ZNF385C: variants seen among roughly 807,000 people sequenced by gnomAD.
ZNF385C encodes the protein zinc finger protein 385C, also known as CTD-2132N18.2.
A neutral mutation model predicts 35.4 loss-of-function variants in ZNF385C; 28 were observed. That is an observed-to-expected ratio of 0.79 (90% confidence interval 0.59 to 1.08). ZNF385C has a LOEUF of 1.08. Among genes scored for constraint, ZNF385C ranks in the 50% least tolerant of loss-of-function variants. ZNF385C has a pLI of 0.00. For synonymous variants in ZNF385C, 248 were observed against 248.2 expected (o/e 1.00, Z 0.01); for missense variants, 605 against 595.6 (o/e 1.02, Z -0.16).
chr17:42,027,840 A>G, intron 7 of ZNF385C, 112 bp from the exon 8 acceptor site: 2 of 1,290,980 alleles, frequency 1.5e-6, no homozygotes, highest in South Asian at 1.2e-5. Flanking sequence ...TCCAAAGCAC[A>G]CAGACTGGGT....
Position 42,026,991 on chromosome 17 carries a change from A to C in ZNF385C, c.1418T>G (p.Leu473Arg), listed in dbSNP as rs781799299. The change falls in exon 9 of 9, where the codon CTC becomes CGC. Residue 473 changes from leucine (L) to arginine (R), a missense_variant. Transcript: ENST00000692273. Reference protein sequence around the residue: ...LRPAPTAATTLFPAPILGPAL... With the variant: ...LRPAPTAATTRFPAPILGPAL... ...TGGGCCCAGGATGGGAGCCGGGAAG[A>C]GGGTAGTGGCTGCTGTAGGGGCAGG... 4 of 1,610,814 alleles carry C rather than the reference A, an allele frequency of 2.5e-6. No homozygotes were observed. In the Admixed American group the frequency reaches 6.7e-5, roughly 27 times the overall value.
In ZNF385C at chr17:42,057,501, CGCGCGCGCGCGCGTGTGTGTGT is replaced by C. The variant is rs1206315872; in HGVS notation, c.250+5284_250+5305del. ...ACTTAAAGTTATTTAGGGGTGTGCG[CGCGCGCGCGCGCGTGTGTGTGT>C]GTGTGTGTGTGTGTGTGATGGTCCA... On this transcript the variant is annotated intron_variant, in intron 2 of 8. Transcript: ENST00000692273. Among the ~76,000 whole-genome samples, 336 of 143,786 alleles carry C rather than the reference CGCGCGCGCGCGCGTGTGTGTGT, an allele frequency of 2.3e-3. 4 individuals carry two copies. The highest frequency in any genetic ancestry group is 8.8e-3 in the African/African-American group (314 of 35,874). 94.3% of individuals were successfully genotyped at this position (143,786 alleles called of 152,430 possible).
chr17:42,048,488 A>G (rs2143734705), intron 2 of ZNF385C, among the ~76,000 whole-genome samples: 1 of 152,220 alleles, frequency 6.6e-6, no homozygotes, highest in South Asian at 2.1e-4. Flanking sequence ...GACTGCAGTG[A>G]ACTGTGATCA....
At chr17:42,084,119 G>C (rs975817286) in intron 1 of ZNF385C, among the ~76,000 whole-genome samples, 1 of 151,912 alleles carries the variant, frequency 6.6e-6, no homozygotes. Flanking sequence ...TGAGATGGGA[G>C]GTTTGCTTGG....
At chr17:42,038,096 G>A in intron 2 of ZNF385C, 2 of 1,530,798 alleles carry the variant, frequency 1.3e-6, no homozygotes, top group Non-Finnish European at 1.7e-6. Context: ...GGAGTCCACA[G>A]TTGAGGCTCC....
At chr17:42,041,050 CAG>C in intron 2 of ZNF385C, 1 of 1,232,350 alleles carries the variant, frequency 8.1e-7, no homozygotes, top group Non-Finnish European at 1.0e-6. Context: ...CTGGCCATCA[CAG>C]GGGGACACTG....
In ZNF385C at chr17:42,062,850, C is replaced by T. The variant is rs1555658106; in HGVS notation, c.207G>A (p.Arg69=). ...QVHCGGRAHQ[R]RLRQLSLGKS... ...TCCCCAAGCTGAGCTGCCGAAGCCG[C>T]CTCTGGTGGGCCCGCCCCCCACAGT... is the stretch of plus-strand genomic sequence containing the variant. Residue 69 remains arginine (R), a synonymous_variant, in exon 2 of 9, where the codon AGG becomes AGA. Transcript: ENST00000692273. 1 of 631,440 alleles carries T rather than the reference C, an allele frequency of 1.6e-6. No homozygotes were observed. The highest frequency in any genetic ancestry group is 2.8e-6 in the Non-Finnish European group (1 of 351,580). The allele number at this position is 631,440 out of a possible 1,614,324, so 39.1% of individuals were successfully genotyped here.
chr17:42,076,552 G>C (rs991585184), intron 1 of ZNF385C, among the ~76,000 whole-genome samples: 3 of 152,140 alleles, frequency 2.0e-5, no homozygotes, highest in Non-Finnish European at 2.9e-5. Context: ...AACCCGGGGG[G>C]CGGAGCTGGC....
Position 42,028,250 on chromosome 17 carries a change from G to A in ZNF385C, c.968-4C>T. On this transcript the variant is annotated splice_polypyrimidine_tract_variant and splice_region_variant and intron_variant, in intron 6 of 8. Transcript: ENST00000692273. ...ATCATCCACCGGTGCTTGGCTCCTG[G>A]AGAGGGAAGAAGGCAGTCTCTCAGC... 1 of 1,524,294 alleles carries A rather than the reference G, an allele frequency of 6.6e-7. No individual in the cohort carries two copies. The highest frequency in any genetic ancestry group is 8.8e-7 in the Non-Finnish European group (1 of 1,138,972). The allele number at this position is 1,524,294 out of a possible 1,614,324, so 94.4% of individuals were successfully genotyped here. A position where few individuals can be genotyped will look rare whatever the true frequency, so the allele number is the denominator to read the frequency against.
At chr17:42,038,028 G>C in intron 2 of ZNF385C, 143 bp from the exon 3 acceptor site, 1 of 1,536,228 alleles carries the variant, frequency 6.5e-7, no homozygotes, top group Non-Finnish European at 8.7e-7. Flanking sequence ...CAGACCCATA[G>C]TGATTATAGC....
chr17:42,089,874 ATCTG>A (rs2053846771), intron 1 of ZNF385C, among the ~76,000 whole-genome samples: 3 of 152,246 alleles, frequency 2.0e-5, no homozygotes, highest in Non-Finnish European at 4.4e-5. Context: ...AAAAACAAAA[ATCTG>A]ATCAAAGAAT....
At chr17:42,043,605 A>C in intron 2 of ZNF385C, 1 of 369,648 alleles carries the variant, frequency 2.7e-6, no homozygotes, top group East Asian at 4.0e-5. Flanking sequence ...GGGGTCTGTC[A>C]TGGTAGGGGT....
intron 1 of ZNF385C, among the ~76,000 whole-genome samples, chr17:42,068,346 G>T (rs964476945): frequency 6.6e-6 from 1 of 152,180 alleles, no homozygotes; most frequent in Non-Finnish European, 1.5e-5. Context: ...CCAGAGCAGG[G>T]CAGTGGACTT....
chr17:42,085,877 G>A (rs1273611684), intron 1 of ZNF385C, among the ~76,000 whole-genome samples: 5 of 152,098 alleles, frequency 3.3e-5, no homozygotes, highest in Non-Finnish European at 5.9e-5. Context: ...GATTACAGGC[G>A]TGAGCCACCA....
At chr17:42,038,343 C>T (rs1269039811) in intron 2 of ZNF385C, 1 of 398,560 alleles carries the variant, frequency 2.5e-6, no homozygotes, top group African/African-American at 2.1e-5. Flanking sequence ...CCTCCAGATC[C>T]CCAGGATTTC....
intron 1 of ZNF385C, among the ~76,000 whole-genome samples, chr17:42,073,584 T>A (rs1399871118): frequency 2.0e-5 from 3 of 152,090 alleles, no homozygotes; most frequent in Non-Finnish European, 2.9e-5. Flanking sequence ...CACCAGTGTG[T>A]GTGGCTGAGA....
chr17:42,089,080 A>G (rs1317242537), intron 1 of ZNF385C, among the ~76,000 whole-genome samples: 1 of 152,094 alleles, frequency 6.6e-6, no homozygotes, highest in Non-Finnish European at 1.5e-5. Context: ...TCTCCCTCCC[A>G]GTCCCATCTT....
At chr17:42,065,617 G>A (rs1191601360) in intron 1 of ZNF385C, among the ~76,000 whole-genome samples, 3 of 152,200 alleles carry the variant, frequency 2.0e-5, no homozygotes, top group Admixed American at 6.5e-5. Flanking sequence ...CATGTCTGTC[G>A]TGACAAGTGT....
intron 3 of ZNF385C, among the ~76,000 whole-genome samples, chr17:42,034,883 T>C (rs1555655285): frequency 6.6e-6 from 1 of 150,806 alleles, no homozygotes; most frequent in South Asian, 2.1e-4. Flanking sequence ...TCCCATCACT[T>C]TGGGAGGCCA....
Sources: gnomAD v4.1 joint callset for allele counts (sites outside exome capture counted in the v4.1 genomes callset) on GRCh38, gnomAD v4.1.1 for gene constraint, MANE v1.5 for transcripts, NCBI Gene and HGNC (gene_info 2026-07-23, HGNC 2026-07-21) for gene names.